The following PPEF1 variants were observed in gnomAD, a reference collection of about 807,000 sequenced individuals.
The protein encoded by PPEF1 is protein phosphatase with EF-hand domain 1, also known as serine/threonine-protein phosphatase with EF-hands 1.
A neutral mutation model predicts 53.3 loss-of-function variants in PPEF1; 12 were observed. The observed-to-expected ratio is 0.23, with a 90% CI of 0.14 to 0.36. The LOEUF (loss-of-function observed/expected upper bound fraction) is 0.36. PPEF1 is among the 10% of genes least tolerant of loss of function. The pLI is 1.00. For synonymous variants in PPEF1, 165 were observed against 176.7 expected, an observed-to-expected ratio of 0.93 and a Z score of 0.52; for missense variants, 334 against 490.4, an observed-to-expected ratio of 0.68 and a Z score of 3.01.
chrX:18,798,805 G>T (rs1447849434), intron 10 of PPEF1, among the ~76,000 whole-genome samples: 1 of 110,868 alleles, frequency 9.0e-6, no homozygotes, highest in African/African-American at 3.3e-5. Context: ...TGTAGTTTTA[G>T]TAGAGGCAGG....
chrX:18,704,099 A>C (rs2147272612), upstream of PPEF1, among the ~76,000 whole-genome samples: 1 of 107,816 alleles, frequency 9.3e-6, no homozygotes, highest in South Asian at 4.1e-4. Flanking sequence ...AATTTTTTGT[A>C]TTTTTTGGTA....
intron 11 of PPEF1, among the ~76,000 whole-genome samples, chrX:18,805,833 C>G (rs1253874488): frequency 2.7e-5 from 2 of 73,330 alleles, no homozygotes; most frequent in South Asian, 6.0e-4. Context: ...GAGAGCGAGA[C>G]TCCATCTTAA....
rs2238943 is a variant in PPEF1 at position 18,788,066 on chromosome X, G to T, written c.913-1055G>T. ...GTGCAGTGGCTCACGCCTGTAATCCGAGCACTTTGGGAGGCCAAGGCGGGC... is the reference window on the plus strand; with the variant it reads ...GTGCAGTGGCTCACGCCTGTAATCCTAGCACTTTGGGAGGCCAAGGCGGGC... On this transcript the variant is annotated intron_variant, in intron 9 of 15. Transcript: ENST00000470157. Among the ~76,000 whole-genome samples, 7 of 110,750 alleles carry T rather than the reference G, an allele frequency of 6.3e-5. No individual in the cohort carries two copies. In the East Asian group the frequency reaches 2.0e-3, roughly 32 times the overall value.
At chrX:18,740,957 A>G (rs901479203) in intron 3 of PPEF1, among the ~76,000 whole-genome samples, 12 of 86,756 alleles carry the variant, frequency 1.4e-4, no homozygotes, top group African/African-American at 5.4e-4. Context: ...TAAAATGTGT[A>G]TGGCATCTAG....
At chrX:18,722,714 T>C (rs1377877451) in intron 1 of PPEF1, among the ~76,000 whole-genome samples, 9 of 111,719 alleles carry the variant, frequency 8.1e-5, no homozygotes, top group African/African-American at 2.9e-4. Context: ...CCAGCTCTTA[T>C]GGAGATTACA....
chrX:18,755,680 C>T (rs2045534302), intron 4 of PPEF1, among the ~76,000 whole-genome samples: 1 of 111,337 alleles, frequency 9.0e-6, no homozygotes, highest in Non-Finnish European at 1.9e-5. Context: ...CCAAACAAAA[C>T]CCTTTACCCA....
At chrX:18,716,502 A>T (rs1488524692) in intron 1 of PPEF1, among the ~76,000 whole-genome samples, 11 of 97,046 alleles carry the variant, frequency 1.1e-4, no homozygotes, top group African/African-American at 4.3e-4. Flanking sequence ...ACTGCACTAC[A>T]GCCTGGGCGA....
chrX:18,675,815 G>A (rs959786698), upstream of PPEF1: 1 of 111,490 alleles, frequency 9.0e-6, no homozygotes, highest in African/African-American at 3.3e-5. Flanking sequence ...AACGGGCTGG[G>A]ACCCTCCATC....
At chrX:18,726,661 T>C (rs2044715179) in intron 1 of PPEF1, among the ~76,000 whole-genome samples, 1 of 75,785 alleles carries the variant, frequency 1.3e-5, no homozygotes, top group Admixed American at 1.2e-4. Context: ...CTCAGTTATT[T>C]CTTTTTTTTT....
At chrX:18,804,687 G>T (rs2046623073) in intron 11 of PPEF1, among the ~76,000 whole-genome samples, 1 of 112,385 alleles carries the variant, frequency 8.9e-6, no homozygotes, top group East Asian at 2.8e-4. Context: ...GTCCCATACA[G>T]TGGGGTTGAG....
chrX:18,797,154 C>G (rs1428812249), intron 10 of PPEF1, among the ~76,000 whole-genome samples: 2 of 112,158 alleles, frequency 1.8e-5, no homozygotes, highest in Non-Finnish European at 3.8e-5. Flanking sequence ...TTTCTTTCCT[C>G]AGTTCCTGGT....
upstream of PPEF1, among the ~76,000 whole-genome samples, chrX:18,704,507 G>C (rs1198171756): frequency 9.1e-6 from 1 of 110,405 alleles, no homozygotes; most frequent in African/African-American, 3.3e-5. Context: ...GGCACCTGGA[G>C]AATGTCACCA....
intron 6 of PPEF1, among the ~76,000 whole-genome samples, chrX:18,772,799 A>G (rs1003566580): frequency 1.8e-5 from 2 of 112,377 alleles, no homozygotes; most frequent in Non-Finnish European, 3.8e-5. Context: ...TGAAAAGTTG[A>G]TTGGGGCTGA....
At chrX:18,745,098 A>G (rs2045292854) in intron 3 of PPEF1, among the ~76,000 whole-genome samples, 1 of 96,825 alleles carries the variant, frequency 1.0e-5, no homozygotes, top group Non-Finnish European at 2.0e-5. Flanking sequence ...AATATATATT[A>G]TATATTATAT....
rs1437031434 is a variant in PPEF1, at chrX:18,743,450, T to C, written c.236-6342T>C. On this transcript the variant is annotated intron_variant, in intron 3 of 15. Coordinates refer to ENST00000470157, the MANE Select transcript of PPEF1 (RefSeq NM_001377996.1). ...TCTTTTCTTTTTTCTCTTTTTCTTT[T>C]TTTTTTTTTTTTTTTTTGAGACAGA... Among the ~76,000 whole-genome samples the C allele has an allele frequency of 5.6e-5, 5 of 89,675 alleles. No individual in the cohort carries two copies. The East Asian group carries it at 9.7e-4, about 17-fold the overall frequency. 77.9% of individuals were successfully genotyped at this position (89,675 alleles called of 115,157 possible). A position where few individuals can be genotyped will look rare whatever the true frequency, so the allele number is the denominator to read the frequency against.
rs980014760 is a variant in PPEF1 at position 18,774,944 on chromosome X, C to CT, written c.559-4058dup. ...CGTGTTTCAAGCTTCAAATTGAAGT[C>CT]TTTTTTTTAACCATAGAAAATGTTC... On this transcript the variant is annotated intron_variant, in intron 6 of 15. Coordinates refer to ENST00000470157, the MANE Select transcript of PPEF1 (RefSeq NM_001377996.1). Among the ~76,000 whole-genome samples the CT allele has an allele frequency of 1.7e-4, 19 of 110,792 alleles. No homozygotes were observed. The Admixed American group carries it at 1.7e-3, about 10-fold the overall frequency.
At chrX:18,706,476 G>A (rs1443313661), upstream of PPEF1, among the ~76,000 whole-genome samples, 5 of 110,860 alleles carry the variant, frequency 4.5e-5, no homozygotes, top group Admixed American at 1.9e-4. Context: ...CAGGCACGGT[G>A]GCTCACGCCT....
chrX:18,807,315 G>A (rs1458025104), intron 12 of PPEF1, among the ~76,000 whole-genome samples: 1 of 112,186 alleles, frequency 8.9e-6, no homozygotes, highest in East Asian at 2.8e-4. Context: ...ACAGGCATGA[G>A]CCACTGCGCC....
chrX:18,782,445 G>A, intron 8 of PPEF1, 43 bp downstream of exon 8: 1 of 993,580 alleles, frequency 1.0e-6, no homozygotes, highest in Non-Finnish European at 1.4e-6. Context: ...TCACTTTGCT[G>A]TTTCTATAGA....
Sources: gnomAD v4.1 joint callset for allele counts (sites outside exome capture counted in the v4.1 genomes callset) on GRCh38, gnomAD v4.1.1 for gene constraint, MANE v1.5 for transcripts, NCBI Gene and HGNC (gene_info 2026-07-23, HGNC 2026-07-21) for gene names.